The following COL4A6 variants were observed in gnomAD, a reference collection of about 807,000 sequenced individuals.
COL4A6 encodes the protein collagen alpha-6(IV) chain.
In COL4A6, 59 loss-of-function variants were observed where a neutral mutation model predicts 126.7. The observed-to-expected ratio is 0.47, with a 90% CI of 0.38 to 0.58. COL4A6 has a LOEUF of 0.58. Among genes scored for constraint, COL4A6 ranks in the 20% least tolerant of loss-of-function variants. The probability of loss-of-function intolerance (pLI) is 0.00; values close to 1 mark genes in which losing one functional copy is unlikely to be tolerated. For missense variants in COL4A6, 1,285 were observed against 1,337.3 expected, an observed-to-expected ratio of 0.96 and a Z score of 0.61; for synonymous variants, 547 against 496.6, an observed-to-expected ratio of 1.10 and a Z score of -1.35.
intron 3 of COL4A6, among the ~76,000 whole-genome samples, chrX:108,289,367 A>G (rs2038099188): frequency 9.1e-6 from 1 of 109,477 alleles, no homozygotes; most frequent in South Asian, 4.0e-4. Flanking sequence ...TCACTCTCAA[A>G]TAGTTTGTAG....
rs759728290 is a variant in COL4A6 at position 108,347,907 on chromosome X, T to G, written c.64-37079A>C. 2.3e-3 allele frequency among the ~76,000 whole-genome samples: 250 copies of G among 109,514 alleles called. 2 individuals are homozygous for G. The highest frequency in any genetic ancestry group is 3.7e-3 in the Non-Finnish European group (194 of 52,720). On this transcript the variant is annotated intron_variant, in intron 2 of 44. Coordinates refer to ENST00000334504, the MANE Select transcript of COL4A6 (RefSeq NM_033641.4). ...AGAAGAAAACCCATTAAAGCAGCTCTGAAGCCCCACTTCAAACAATGGGGC... is the reference window on the plus strand; with the variant it reads ...AGAAGAAAACCCATTAAAGCAGCTCGGAAGCCCCACTTCAAACAATGGGGC...
At chrX:108,269,943 A>T (rs954863380) in intron 3 of COL4A6, among the ~76,000 whole-genome samples, 1 of 111,423 alleles carries the variant, frequency 9.0e-6, no homozygotes, top group Non-Finnish European at 1.9e-5. Context: ...AGATAAAAAG[A>T]AAAAAGGAGC....
At chrX:108,206,297 G>T (rs994622115) in intron 9 of COL4A6, 3 of 520,968 alleles carry the variant, frequency 5.8e-6, no homozygotes, top group Non-Finnish European at 1.0e-5. Flanking sequence ...AGCTAGGGTG[G>T]GAGGCTTTAG....
chrX:108,227,814 T>C (rs1027401872), intron 3 of COL4A6, among the ~76,000 whole-genome samples: 15 of 112,107 alleles, frequency 1.3e-4, no homozygotes, highest in Non-Finnish European at 1.1e-4. Context: ...TCTGGTTCCT[T>C]GTTCCTAACA....
intron 23 of COL4A6, among the ~76,000 whole-genome samples, chrX:108,186,394 G>A (rs1718082751): frequency 8.9e-6 from 1 of 111,839 alleles, no homozygotes; most frequent in South Asian, 3.7e-4. Flanking sequence ...AAGGAAATAA[G>A]AGATAATCTC....
intron 2 of COL4A6, among the ~76,000 whole-genome samples, chrX:108,360,333 CT>C (rs2040055570): frequency 8.9e-6 from 1 of 111,770 alleles, no homozygotes; most frequent in Non-Finnish European, 1.9e-5. Flanking sequence ...TGGGTTCTGT[CT>C]TTCAGGAGCT....
Position 108,203,496 on chromosome X carries a change from A to G in COL4A6, c.781-515T>C, listed in dbSNP as rs745420701. ...CAGACAATCTCTTTCATGTTGCCAGACCATTCCCAAATCAACGACTACTTC... is the reference window on the plus strand; with the variant it reads ...CAGACAATCTCTTTCATGTTGCCAGGCCATTCCCAAATCAACGACTACTTC... On this transcript the variant is annotated intron_variant, in intron 12 of 44. Coordinates refer to ENST00000334504, the MANE Select transcript of COL4A6 (RefSeq NM_033641.4). 6.8e-4 allele frequency among the ~76,000 whole-genome samples: 77 copies of G among 112,467 alleles called. 1 individual carries two copies. Among genetic ancestry groups the G allele is most frequent in the African/African-American group, 2.3e-3 (71 of 31,034 alleles).
At chrX:108,437,220 A>C (rs2064284037) in intron 2 of COL4A6, among the ~76,000 whole-genome samples, 2 of 112,200 alleles carry the variant, frequency 1.8e-5, no homozygotes, top group South Asian at 3.7e-4. Flanking sequence ...AGATTTCAAT[A>C]CTTTCTGGGA....
intron 3 of COL4A6, among the ~76,000 whole-genome samples, chrX:108,280,691 A>C (rs758826379): frequency 9.0e-6 from 1 of 111,668 alleles, no homozygotes; most frequent in African/African-American, 3.3e-5. Context: ...GACACAACCA[A>C]AAAAGAGAAT....
intron 2 of COL4A6, among the ~76,000 whole-genome samples, chrX:108,376,992 T>A (rs1253994488): frequency 1.8e-5 from 2 of 112,423 alleles, no homozygotes; most frequent in East Asian, 5.6e-4. Flanking sequence ...GGACCAGCGT[T>A]CAGCATAAGG....
chrX:108,204,442 G>A, intron 11 of COL4A6, 30 bp from the exon 12 acceptor site: 1 of 1,137,383 alleles, frequency 8.8e-7, no homozygotes, highest in Non-Finnish European at 1.2e-6. Context: ...ATTAAGCAAA[G>A]TGACAATCAC....
chrX:108,260,114 T>C (rs905428919), intron 3 of COL4A6, among the ~76,000 whole-genome samples: 2 of 110,167 alleles, frequency 1.8e-5, no homozygotes, highest in African/African-American at 6.6e-5. Flanking sequence ...AATACTAATA[T>C]TTAATAATAA....
At chrX:108,436,556 T>C (rs1257516150) in intron 2 of COL4A6, among the ~76,000 whole-genome samples, 2 of 111,818 alleles carry the variant, frequency 1.8e-5, no homozygotes, top group African/African-American at 3.3e-5. Flanking sequence ...CCTGGATGAA[T>C]TGTTAACTAA....
chrX:108,419,170 A>G (rs2041486378), intron 2 of COL4A6, among the ~76,000 whole-genome samples: 1 of 112,354 alleles, frequency 8.9e-6, no homozygotes, highest in Non-Finnish European at 1.9e-5. Context: ...CATAAACATA[A>G]TGCTGTCACC....
chrX:108,196,665 T>A, intron 13 of COL4A6, 86 bp from the exon 14 acceptor site: 1 of 781,488 alleles, frequency 1.3e-6, no homozygotes, highest in Non-Finnish European at 1.9e-6. Flanking sequence ...GCTATTTTAA[T>A]TAAGCTCCAC....
intron 32 of COL4A6, among the ~76,000 whole-genome samples, chrX:108,171,730 G>C (rs959859663): frequency 8.9e-6 from 1 of 112,015 alleles, no homozygotes; most frequent in Non-Finnish European, 1.9e-5. Flanking sequence ...AAGATGGTAG[G>C]CAGGGCCCTC....
intron 2 of COL4A6, among the ~76,000 whole-genome samples, chrX:108,341,675 C>T (rs2039569130): frequency 9.0e-6 from 1 of 110,833 alleles, no homozygotes; most frequent in Non-Finnish European, 1.9e-5. Context: ...CAGACTAATA[C>T]ACTCCCCAAG....
chrX:108,279,424 A>T (rs1022669867), intron 3 of COL4A6, among the ~76,000 whole-genome samples: 1 of 112,157 alleles, frequency 8.9e-6, no homozygotes, highest in African/African-American at 3.2e-5. Flanking sequence ...AAAGGGATCA[A>T]TTCAACAAGA....
intron 3 of COL4A6, among the ~76,000 whole-genome samples, chrX:108,236,980 C>T (rs1191486227): frequency 1.8e-5 from 2 of 111,829 alleles, no homozygotes; most frequent in Non-Finnish European, 3.8e-5. Flanking sequence ...GCTCTTGTCT[C>T]TCTCATGGTG....
Sources: gnomAD v4.1 joint callset for allele counts (sites outside exome capture counted in the v4.1 genomes callset) on GRCh38, gnomAD v4.1.1 for gene constraint, MANE v1.5 for transcripts, NCBI Gene and HGNC (gene_info 2026-07-23, HGNC 2026-07-21) for gene names.